Variants in PRDM16 observed in about 807,000 individuals in gnomAD.
The protein encoded by PRDM16 is histone-lysine N-methyltransferase PRDM16.
In PRDM16, 23 loss-of-function variants were observed where a neutral mutation model predicts 110.6. The ratio of observed to expected loss-of-function variants is 0.21; its 90% CI spans 0.15 to 0.29. PRDM16 has a LOEUF of 0.29. Ranked by LOEUF, PRDM16 falls within the 10% of genes least tolerant of loss-of-function variation. PRDM16 has a pLI of 1.00. For missense variants in PRDM16, 1,615 were observed against 1,794.3 expected, an observed-to-expected ratio of 0.90 and a Z score of 1.81; for synonymous variants, 799 against 781.8, an observed-to-expected ratio of 1.02 and a Z score of -0.37.
intron 3 of PRDM16, among the ~76,000 whole-genome samples, chr1:3,317,330 G>T (rs1641631485): frequency 6.6e-6 from 1 of 152,210 alleles, no homozygotes; most frequent in African/African-American, 2.4e-5. Context: ...GACATTCCCA[G>T]CTGGGCCCTC....
intron 1 of PRDM16, among the ~76,000 whole-genome samples, chr1:3,109,590 C>T (rs991922581): frequency 8.5e-5 from 13 of 152,176 alleles, no homozygotes; most frequent in Admixed American, 3.3e-4. Context: ...GGGCTTCCGC[C>T]GAGGACTAAT....
At chr1:3,132,356 T>G (rs1038083727) in intron 1 of PRDM16, among the ~76,000 whole-genome samples, 15 of 152,290 alleles carry the variant, frequency 9.8e-5, no homozygotes, top group Admixed American at 3.9e-4. Flanking sequence ...GGAGGGTGGA[T>G]GGGACAGGGG....
chr1:3,432,029 G>A lies in PRDM16; in HGVS notation c.3585G>A (p.Gly1195=), dbSNP rs768521230. The part of the protein sequence containing the change: ...ALEPMPTFGK[G]LDLRRAAEEA... ...AGCCGATGCCGACTTTTGGGAAGGG[G>A]CTGGACCTCCGCAGAGCAGCTGAGG... Residue 1195 remains glycine, a synonymous_variant, in exon 16 of 17, where the codon GGG becomes GGA. Transcript: ENST00000270722. 2 of 1,614,154 alleles carry A rather than the reference G, an allele frequency of 1.2e-6. No homozygotes were observed. The highest frequency in any genetic ancestry group is 8.5e-7 in the Non-Finnish European group (1 of 1,180,018).
chr1:3,101,044 G>A (rs1233691617), intron 1 of PRDM16, among the ~76,000 whole-genome samples: 6 of 152,268 alleles, frequency 3.9e-5, no homozygotes, highest in East Asian at 1.9e-4. Flanking sequence ...GGATGCCCTC[G>A]GCGGGAGTGG....
intron 3 of PRDM16, among the ~76,000 whole-genome samples, chr1:3,357,195 C>A (rs1238126629): frequency 6.6e-6 from 1 of 152,180 alleles, no homozygotes; most frequent in Non-Finnish European, 1.5e-5. Context: ...CACCTGCGGG[C>A]GGACCTGGCT....
At chr1:3,112,285 C>T (rs1041703329) in intron 1 of PRDM16, among the ~76,000 whole-genome samples, 6 of 152,222 alleles carry the variant, frequency 3.9e-5, no homozygotes, top group African/African-American at 7.2e-5. Flanking sequence ...GAAGGGAGCA[C>T]GGCTTTGTCC....
At chr1:3,128,047 G>C (rs777620653) in intron 1 of PRDM16, 1 of 154,884 alleles carries the variant, frequency 6.5e-6, no homozygotes, top group South Asian at 2.0e-4. Context: ...CCACTTCAGA[G>C]GGCACTTGTA....
chr1:3,155,356 G>A (rs1469756762), intron 1 of PRDM16, among the ~76,000 whole-genome samples: 1 of 152,234 alleles, frequency 6.6e-6, no homozygotes, highest in Non-Finnish European at 1.5e-5. Flanking sequence ...GTGTGGCTTC[G>A]CCCGATTAGC....
intron 2 of PRDM16, among the ~76,000 whole-genome samples, chr1:3,197,064 C>T (rs1057434179): frequency 1.3e-5 from 2 of 152,158 alleles, no homozygotes; most frequent in Admixed American, 6.5e-5. Flanking sequence ...CTGCACGAGG[C>T]GGCCCGAGGC....
In PRDM16 at chr1:3,208,978, C is replaced by T. The variant is rs748099885; in HGVS notation, c.387+22504C>T. On this transcript the variant is annotated intron_variant, in intron 2 of 16. Transcript: ENST00000270722. This position sits in a 1 kb window ranked among gnomAD's most constrained non-coding sequence, Gnocchi z 6.1. Reference sequence around the variant, plus strand: ...GCCACATCAAGGGAGTGACTTGCTCCGTCTGTCATGTAGTGACCACCTGCT... The same window carrying T: ...GCCACATCAAGGGAGTGACTTGCTCTGTCTGTCATGTAGTGACCACCTGCT... 3.9e-5 allele frequency among the ~76,000 whole-genome samples: 6 copies of T among 152,142 alleles called. No individual in the cohort carries two copies. The highest frequency in any genetic ancestry group is 7.4e-5 in the Non-Finnish European group (5 of 68,024).
rs373625224 is a variant in PRDM16, at chr1:3,294,903, CA to C, written c.438+50767del. Reference sequence around the variant, plus strand: ...CCACGTGCCTTAAGAAACACAGACCCAGGGGAGAGGGGTAGACCCCACGGAA... The same window carrying C: ...CCACGTGCCTTAAGAAACACAGACCCGGGGAGAGGGGTAGACCCCACGGAA... On this transcript the variant is annotated intron_variant, in intron 3 of 16. Coordinates refer to ENST00000270722, the MANE Select transcript of PRDM16 (RefSeq NM_022114.4). Among the ~76,000 whole-genome samples, 788 of 152,314 alleles carry C rather than the reference CA, an allele frequency of 5.2e-3. 8 individuals carry two copies. Among genetic ancestry groups the C allele is most frequent in the African/African-American group, 0.017 (712 of 41,582 alleles).
chr1:3,243,200 C>G lies in PRDM16; in HGVS notation c.388-887C>G, dbSNP rs1639714445. Among the ~76,000 whole-genome samples, 1 of 152,186 alleles carries G rather than the reference C, an allele frequency of 6.6e-6. No homozygotes were observed. Among genetic ancestry groups the G allele is most frequent in the Admixed American group, 6.5e-5 (1 of 15,284 alleles). On this transcript the variant is annotated intron_variant, in intron 2 of 16. Coordinates refer to ENST00000270722, the MANE Select transcript of PRDM16 (RefSeq NM_022114.4). The surrounding 1 kb of genome is among the most constrained non-coding windows in gnomAD (Gnocchi z 5.5). ...GAGCTCCTGTGTGGCCCACAGCCCG[C>G]TGCTGGGGGTCCTCAGTGGCCACCC...
rs1250911818 is a variant in PRDM16, at chr1:3,069,993, T to G, written c.37+697T>G. 6.6e-6 allele frequency among the ~76,000 whole-genome samples: 1 copy of G among 151,826 alleles called. No homozygotes were observed. Among genetic ancestry groups the G allele is most frequent in the East Asian group, 2.0e-4 (1 of 5,088 alleles). On this transcript the variant is annotated intron_variant, in intron 1 of 16. Coordinates refer to ENST00000270722, the MANE Select transcript of PRDM16 (RefSeq NM_022114.4). This position sits in a 1 kb window ranked among gnomAD's most constrained non-coding sequence, Gnocchi z 6.1. ...TGTGGTCGTGAAGTTTATCCCCGGCTGTGCCCCGCGTGGTGGAGGGCGCTC... is the reference window on the plus strand; with the variant it reads ...TGTGGTCGTGAAGTTTATCCCCGGCGGTGCCCCGCGTGGTGGAGGGCGCTC...
intron 1 of PRDM16, among the ~76,000 whole-genome samples, chr1:3,094,284 C>T (rs1557441296): frequency 6.6e-6 from 1 of 152,130 alleles, no homozygotes; most frequent in African/African-American, 2.4e-5. Context: ...CTCCACAGCT[C>T]CCAGGTGGCT....
At chr1:3,200,869 C>T (rs1175759994) in intron 2 of PRDM16, among the ~76,000 whole-genome samples, 1 of 151,850 alleles carries the variant, frequency 6.6e-6, no homozygotes, top group African/African-American at 2.4e-5. Context: ...CAGACCTGAC[C>T]ACGGGCACAG....
intron 1 of PRDM16, among the ~76,000 whole-genome samples, chr1:3,071,724 C>T (rs2100521846): frequency 6.6e-6 from 1 of 152,190 alleles, no homozygotes; most frequent in Non-Finnish European, 1.5e-5. Flanking sequence ...CAATGCTGAC[C>T]AGGTCAGGGG....
At chr1:3,381,341 T>C (rs1020413169) in intron 3 of PRDM16, among the ~76,000 whole-genome samples, 10 of 151,414 alleles carry the variant, frequency 6.6e-5, no homozygotes, top group Non-Finnish European at 1.2e-4. Flanking sequence ...CAGGGATTTA[T>C]TGGGGAGAGC....
At chr1:3,272,225 A>C (rs1276411584) in intron 3 of PRDM16, among the ~76,000 whole-genome samples, 5 of 152,046 alleles carry the variant, frequency 3.3e-5, no homozygotes, top group African/African-American at 4.8e-5. Flanking sequence ...GCAGCACTCC[A>C]CGGGGACAGG....
intron 1 of PRDM16, among the ~76,000 whole-genome samples, chr1:3,134,077 G>A (rs1643388156): frequency 6.6e-6 from 1 of 152,216 alleles, no homozygotes; most frequent in African/African-American, 2.4e-5. Context: ...ACGAGTGGGA[G>A]ACCTGGGTTC....
Sources: gnomAD v4.1 joint callset for allele counts (sites outside exome capture counted in the v4.1 genomes callset) on GRCh38, gnomAD v4.1.1 for gene constraint, Gnocchi (gnomAD v3.1) non-coding constraint, MANE v1.5 for transcripts, NCBI Gene and HGNC (gene_info 2026-07-23, HGNC 2026-07-21) for gene names.